Variants in PHTF2 observed in about 807,000 individuals in gnomAD.
PHTF2 encodes putative homeodomain transcription factor 2.
In PHTF2, 60 loss-of-function variants were observed where a neutral mutation model predicts 101.2. The observed-to-expected ratio is 0.59, with a 90% CI of 0.48 to 0.73. The LOEUF (loss-of-function observed/expected upper bound fraction) is 0.73. Among genes scored for constraint, PHTF2 ranks in the 30% least tolerant of loss-of-function variants. The pLI, the probability that PHTF2 is intolerant of heterozygous loss-of-function variation, is 0.00. For synonymous variants in PHTF2, 311 were observed against 307.3 expected, an observed-to-expected ratio of 1.01 and a Z score of -0.13; for missense variants, 747 against 908.7, an observed-to-expected ratio of 0.82 and a Z score of 2.29.
intron 9 of PHTF2, among the ~76,000 whole-genome samples, chr7:77,910,956 T>G (rs974086561): frequency 6.6e-6 from 1 of 152,236 alleles, no homozygotes; most frequent in Non-Finnish European, 1.5e-5. Context: ...ACTATTTTAC[T>G]TGTGTTAATT....
chr7:77,876,512 A>G (rs1798954677), intron 3 of PHTF2, among the ~76,000 whole-genome samples: 1 of 152,202 alleles, frequency 6.6e-6, no homozygotes, highest in South Asian at 2.1e-4. Flanking sequence ...TAAGTTTGAT[A>G]TATAAAATAT....
At chr7:77,949,722 G>C in exon 17 of PHTF2, 1 of 1,572,142 alleles carries the variant, frequency 6.4e-7, no homozygotes, top group Non-Finnish European at 8.7e-7. Flanking sequence ...ACTACAATTG[G>C]GAATTGGTAA....
chr7:77,927,195 T>TAC (rs1434065287), intron 11 of PHTF2, among the ~76,000 whole-genome samples: 11 of 78,506 alleles, frequency 1.4e-4, no homozygotes, highest in African/African-American at 1.8e-4. Context: ...TATATATATA[T>TAC]ACATACACAC....
At chr7:77,924,229 T>TAAAATAAA in intron 11 of PHTF2, 1 of 618,246 alleles carries the variant, frequency 1.6e-6, no homozygotes, top group Non-Finnish European at 2.0e-6. Flanking sequence ...TTTAAATTTA[T>TAAAATAAA]TTTATAAATT....
At position 77,937,675 on chromosome 7, in the gene PHTF2, ATCT is replaced by A. The variant is rs2150966261; in HGVS notation, c.1339-34_1339-32del. 3 of 848,940 alleles carry A rather than the reference ATCT, an allele frequency of 3.5e-6. No individual in the cohort carries two copies. The African/African-American group carries it at 5.3e-5, about 15-fold the overall frequency. 52.6% of individuals were successfully genotyped at this position (848,940 alleles called of 1,614,324 possible). ...ACACACATTTTATTTATTAAATGTG[ATCT>A]ATATATTTACTAATTTTTTTTTTTT... On this transcript the variant is annotated intron_variant, in intron 12 of 19. Transcript: ENST00000416283.
chr7:77,911,400 A>G (rs1220505749), intron 9 of PHTF2, among the ~76,000 whole-genome samples: 1 of 151,910 alleles, frequency 6.6e-6, no homozygotes, highest in Non-Finnish European at 1.5e-5. Context: ...TCAAGCTTGT[A>G]TTATTATTAT....
At chr7:77,871,154 C>CT (rs1798482880) in intron 3 of PHTF2, among the ~76,000 whole-genome samples, 1 of 152,096 alleles carries the variant, frequency 6.6e-6, no homozygotes, top group South Asian at 2.1e-4. Context: ...TGACCCAAAC[C>CT]TTCATTCCTG....
chr7:77,815,045 C>A (rs535767339), intron 1 of PHTF2, among the ~76,000 whole-genome samples: 2 of 151,960 alleles, frequency 1.3e-5, no homozygotes, highest in South Asian at 4.2e-4. Context: ...CCCCTGCAGT[C>A]CAGCCTGGGC....
rs369183115 is a variant in PHTF2, at chr7:77,937,691, ATT to A, written c.1339-6_1339-5del. 1.7e-3 allele frequency: 1,526 copies of A among 886,880 alleles called. No homozygotes were observed. Among genetic ancestry groups the A allele is most frequent in the South Asian group, 2.2e-3 (77 of 35,156 alleles). The allele number at this position is 886,880 out of a possible 1,614,324, so 54.9% of individuals were successfully genotyped here. ...TTAAATGTGATCTATATATTTACTA[ATT>A]TTTTTTTTTTTTATAGAGTCATTTG... On this transcript the variant is annotated splice_polypyrimidine_tract_variant and intron_variant, in intron 12 of 19. Coordinates refer to ENST00000416283, the Ensembl canonical transcript of PHTF2.
At chr7:77,888,403 G>T (rs142340758) in intron 3 of PHTF2, among the ~76,000 whole-genome samples, 1 of 152,108 alleles carries the variant, frequency 6.6e-6, no homozygotes, top group African/African-American at 2.4e-5. Context: ...GGCATGAGCC[G>T]CTGCGCCCGG....
chr7:77,824,083 G>A (rs985446505), intron 1 of PHTF2, among the ~76,000 whole-genome samples: 9 of 152,080 alleles, frequency 5.9e-5, no homozygotes, highest in Admixed American at 3.9e-4. Flanking sequence ...TGACAAATAC[G>A]TTATATTAAT....
chr7:77,860,993 C>A (rs949861535), intron 3 of PHTF2, among the ~76,000 whole-genome samples: 5 of 152,132 alleles, frequency 3.3e-5, no homozygotes, highest in African/African-American at 9.7e-5. Flanking sequence ...CATGAGCCAC[C>A]TTACCTGGCC....
chr7:77,953,895 G>A lies in PHTF2; in HGVS notation c.2337+1G>A. 6.2e-7 allele frequency: 1 copy of A among 1,611,712 alleles called. No homozygotes were observed. On this transcript the variant is annotated splice_donor_variant, in intron 19 of 19. Transcript: ENST00000416283. LOFTEE classifies it high-confidence loss of function. ...TGACTTGCTTGGATTTAATTTAAAG[G>A]TAAGAGGTTGCAAGTACTTTTTATT...
chr7:77,854,902 A>G, intron 3 of PHTF2: 1 of 688,756 alleles, frequency 1.5e-6, no homozygotes, highest in Non-Finnish European at 2.7e-6. Flanking sequence ...TGCTGGGTCC[A>G]GAAATGCTGA....
chr7:77,813,744 G>T (rs979746364), intron 1 of PHTF2, among the ~76,000 whole-genome samples: 1 of 152,158 alleles, frequency 6.6e-6, no homozygotes, highest in African/African-American at 2.4e-5. Flanking sequence ...CTGTGATGTG[G>T]AGTTGAATAG....
At chr7:77,924,562 T>G (rs1470974484) in intron 11 of PHTF2, among the ~76,000 whole-genome samples, 3 of 152,236 alleles carry the variant, frequency 2.0e-5, no homozygotes, top group Admixed American at 6.5e-5. Flanking sequence ...GTTTGAACTT[T>G]AATTTTTCTT....
At chr7:77,809,303 TG>T (rs1189995719) in intron 1 of PHTF2, among the ~76,000 whole-genome samples, 5 of 148,348 alleles carry the variant, frequency 3.4e-5, no homozygotes, top group African/African-American at 1.2e-4. Context: ...CTTGGCTCAC[TG>T]CAACCTCCGC....
chr7:77,930,621 C>A (rs1804480173), intron 12 of PHTF2, among the ~76,000 whole-genome samples: 1 of 152,196 alleles, frequency 6.6e-6, no homozygotes, highest in African/African-American at 2.4e-5. Context: ...TCTGCTATAA[C>A]AATCCCAGAG....
chr7:77,872,988 G>A (rs554758702), intron 3 of PHTF2, among the ~76,000 whole-genome samples: 2 of 152,046 alleles, frequency 1.3e-5, no homozygotes, highest in East Asian at 3.9e-4. Context: ...AGAGTGCAGT[G>A]GCACGATCTC....
Sources: gnomAD v4.1 joint callset for allele counts (sites outside exome capture counted in the v4.1 genomes callset) on GRCh38, gnomAD v4.1.1 for gene constraint, MANE v1.5 for transcripts, NCBI Gene and HGNC (gene_info 2026-07-23, HGNC 2026-07-21) for gene names.